NTN1: variants seen among roughly 807,000 people sequenced by gnomAD.
NTN1 encodes the protein netrin 1, also known as netrin-1.
A neutral mutation model predicts 54.2 loss-of-function variants in NTN1; 11 were observed. The observed-to-expected ratio is 0.20, with a 90% CI of 0.13 to 0.34. The LOEUF (loss-of-function observed/expected upper bound fraction) is 0.34. Among genes scored for constraint, NTN1 ranks in the 10% least tolerant of loss-of-function variants. The probability of loss-of-function intolerance (pLI) is 1.00; values close to 1 mark genes in which losing one functional copy is unlikely to be tolerated. For missense variants in NTN1, 740 were observed against 893.1 expected (o/e 0.83, Z 2.18); for synonymous variants, 371 against 382.0 (o/e 0.97, Z 0.33).
chr17:9,162,965 A>T lies in NTN1; in HGVS notation c.1171A>T (p.Met391Leu). 1 of 1,613,298 alleles carries T rather than the reference A, an allele frequency of 6.2e-7. No individual in the cohort carries two copies. Among genetic ancestry groups the T allele is most frequent in the Non-Finnish European group, 8.5e-7 (1 of 1,179,650 alleles). The part of the protein sequence containing the change: ...HYCKEGYYRD[M>L]GKPITHRKAC... Reference sequence around the variant, plus strand: ...CTGCAAGGAGGGCTACTACCGCGACATGGGCAAGCCCATCACCCACCGGAA... The same window carrying T: ...CTGCAAGGAGGGCTACTACCGCGACTTGGGCAAGCCCATCACCCACCGGAA... Residue 391 changes from methionine (M) to leucine (L), a missense_variant, in exon 3 of 7, where the codon ATG becomes TTG. Coordinates refer to ENST00000173229, the MANE Select transcript of NTN1 (RefSeq NM_004822.3).
intron 5 of NTN1, among the ~76,000 whole-genome samples, chr17:9,190,621 G>T (rs145521392): frequency 0.015 from 2,236 of 152,304 alleles, 46 homozygotes; most frequent in African/African-American, 0.048. Context: ...GGAGGCCGAG[G>T]TAGGCAGATC....
intron 2 of NTN1, among the ~76,000 whole-genome samples, chr17:9,037,566 A>G (rs2091907262): frequency 6.6e-6 from 1 of 152,196 alleles, no homozygotes. Context: ...CTTGAAAATT[A>G]TTATATCAAA....
At chr17:9,072,529 G>GGAGGTGAAGCCCTTCAGGAAAATTT (rs1446202306) in intron 2 of NTN1, among the ~76,000 whole-genome samples, 14 of 152,158 alleles carry the variant, frequency 9.2e-5, no homozygotes, top group African/African-American at 3.4e-4. Flanking sequence ...CAGGAAAATT[G>GGAGGTGAAGCCCTTCAGGAAAATTT]AAGGTGGCTG....
At chr17:9,114,361 T>A (rs965170501) in intron 2 of NTN1, among the ~76,000 whole-genome samples, 2 of 151,238 alleles carry the variant, frequency 1.3e-5, no homozygotes, top group African/African-American at 4.9e-5. Context: ...ATAAGGTATA[T>A]AAAAGTTACT....
intron 5 of NTN1, among the ~76,000 whole-genome samples, chr17:9,186,883 A>G (rs2092434990): frequency 6.6e-6 from 1 of 152,202 alleles, no homozygotes; most frequent in Non-Finnish European, 1.5e-5. Context: ...GAATACAGGA[A>G]AATGAGTTGA....
intron 2 of NTN1, among the ~76,000 whole-genome samples, chr17:9,136,368 G>C (rs560600119): frequency 6.6e-6 from 1 of 152,354 alleles, no homozygotes; most frequent in East Asian, 1.9e-4. Context: ...GAGGTCAGGA[G>C]TTCTAGACCA....
intron 2 of NTN1, among the ~76,000 whole-genome samples, chr17:9,028,307 A>T (rs895316498): frequency 1.3e-5 from 2 of 152,208 alleles, no homozygotes; most frequent in African/African-American, 4.8e-5. Context: ...ATGAGTCAGC[A>T]GCACAGGGCT....
intron 2 of NTN1, among the ~76,000 whole-genome samples, chr17:9,139,350 G>A (rs867480428): frequency 2.0e-5 from 3 of 152,276 alleles, no homozygotes; most frequent in Middle Eastern, 3.4e-3. Context: ...GGCAGAGGGA[G>A]ACCCTAACAG....
At chr17:9,152,254 T>A (rs1367958925) in intron 2 of NTN1, among the ~76,000 whole-genome samples, 2 of 152,200 alleles carry the variant, frequency 1.3e-5, no homozygotes, top group Non-Finnish European at 1.5e-5. Context: ...GAACCAACTC[T>A]GGACACACTA....
At chr17:9,131,063 A>G (rs892473886) in intron 2 of NTN1, among the ~76,000 whole-genome samples, 1 of 152,098 alleles carries the variant, frequency 6.6e-6, no homozygotes, top group African/African-American at 2.4e-5. Context: ...CCGCTCTGCC[A>G]GGCACACTCT....
intron 2 of NTN1, among the ~76,000 whole-genome samples, chr17:9,082,893 T>C (rs2092076611): frequency 6.6e-6 from 1 of 152,074 alleles, no homozygotes; most frequent in Non-Finnish European, 1.5e-5. Context: ...TCAGTGAGAC[T>C]CAAGGGTTTT....
chr17:9,034,050 G>A (rs1419729898), intron 2 of NTN1, among the ~76,000 whole-genome samples: 3 of 152,176 alleles, frequency 2.0e-5, no homozygotes, highest in African/African-American at 7.2e-5. Flanking sequence ...GGACAATGGT[G>A]AGAGAACACC....
intron 2 of NTN1, among the ~76,000 whole-genome samples, chr17:9,076,520 A>G (rs1917746): frequency 0.84 from 128,232 of 152,086 alleles, 54,635 homozygotes; most frequent in East Asian, 1. Context: ...CCACAGGCAC[A>G]CACCAGCATG....
intron 2 of NTN1, among the ~76,000 whole-genome samples, chr17:9,044,931 A>G (rs1445584728): frequency 6.6e-6 from 1 of 152,244 alleles, no homozygotes; most frequent in Non-Finnish European, 1.5e-5. Context: ...TTATACACAA[A>G]GCTAGGTTAA....
the NTN1 span, among the ~76,000 whole-genome samples, chr17:9,004,101 C>G: frequency 6.6e-6 from 1 of 152,222 alleles, no homozygotes; most frequent in Non-Finnish European, 1.5e-5. Context: ...GAAAATCAAA[C>G]GCGCATCTAG....
At chr17:9,024,260 C>G (rs1181828326) in intron 2 of NTN1, among the ~76,000 whole-genome samples, 1 of 152,254 alleles carries the variant, frequency 6.6e-6, no homozygotes, top group East Asian at 1.9e-4. Context: ...AATTGGACGA[C>G]TTTGCTGCTG....
At chr17:9,044,829 CAT>C (rs1437245187) in intron 2 of NTN1, among the ~76,000 whole-genome samples, 5 of 152,170 alleles carry the variant, frequency 3.3e-5, no homozygotes, top group Admixed American at 1.3e-4. Flanking sequence ...TAAATATTAA[CAT>C]GTGCAAAAGT....
At chr17:9,223,443 T>C (rs1192010855) in intron 6 of NTN1, among the ~76,000 whole-genome samples, 3 of 152,110 alleles carry the variant, frequency 2.0e-5, no homozygotes, top group African/African-American at 7.2e-5. Flanking sequence ...TCTCAGCTAC[T>C]CGGGAGGCTG....
At chr17:9,045,032 T>C (rs910790831) in intron 2 of NTN1, among the ~76,000 whole-genome samples, 7 of 152,200 alleles carry the variant, frequency 4.6e-5, no homozygotes, top group Non-Finnish European at 7.3e-5. Flanking sequence ...ACAGGGGAAG[T>C]TGGCCTCTCA....
Sources: gnomAD v4.1 joint callset for allele counts (sites outside exome capture counted in the v4.1 genomes callset) on GRCh38, gnomAD v4.1.1 for gene constraint, MANE v1.5 for transcripts, NCBI Gene and HGNC (gene_info 2026-07-23, HGNC 2026-07-21) for gene names.